Variants in RAPGEFL1 observed in about 807,000 individuals in gnomAD.
RAPGEFL1 encodes Rap guanine nucleotide exchange factor like 1, also known as rap guanine nucleotide exchange factor-like 1.
In RAPGEFL1, 31 loss-of-function variants were observed where a neutral mutation model predicts 64.4. That is an observed-to-expected ratio of 0.48 (90% CI 0.36 to 0.65). The LOEUF is 0.65. RAPGEFL1 is among the 30% of genes least tolerant of loss of function. The pLI is 0.00. For missense variants in RAPGEFL1, 682 were observed against 677.4 expected, an observed-to-expected ratio of 1.01 and a Z score of -0.08; for synonymous variants, 331 against 274.1, an observed-to-expected ratio of 1.21 and a Z score of -2.05.
Position 40,191,241 on chromosome 17 carries a change from C to T in RAPGEFL1, c.1336-75C>T. 5.0e-6 allele frequency: 7 copies of T among 1,389,574 alleles called. No individual in the cohort carries two copies. Among genetic ancestry groups the T allele is most frequent in the Non-Finnish European group, 6.6e-6 (7 of 1,052,720 alleles). 86.1% of individuals were successfully genotyped at this position (1,389,574 alleles called of 1,614,324 possible). A position where few individuals can be genotyped will look rare whatever the true frequency, so the allele number is the denominator to read the frequency against. ...CCTCCTGCCTTTCGCTCCTCATCGC[C>T]TTGCACTGCCATCTTCCCACCCACT... On this transcript the variant is annotated intron_variant, in intron 8 of 14. Coordinates refer to ENST00000620260, the MANE Select transcript of RAPGEFL1 (RefSeq NM_016339.6). This position sits in a 1 kb window ranked among gnomAD's most constrained non-coding sequence, Gnocchi z 5.1.
upstream of RAPGEFL1, chr17:40,177,140 GCA>G (rs1217554596): frequency 1.0e-5 from 7 of 702,474 alleles, no homozygotes; most frequent in Non-Finnish European, 1.8e-5. Context: ...TGAGAAAGGT[GCA>G]CACTCTTGGG....
At position 40,183,522 on chromosome 17, in the gene RAPGEFL1, T is replaced by C. The variant is rs940896290; in HGVS notation, c.600-692T>C. Among the ~76,000 whole-genome samples the C allele has an allele frequency of 3.0e-4, 41 of 135,168 alleles. No homozygotes were observed. In the South Asian group the frequency reaches 4.7e-3, roughly 15 times the overall value. The allele number at this position is 135,168 out of a possible 152,430, so 88.7% of individuals were successfully genotyped here. On this transcript the variant is annotated intron_variant, in intron 2 of 14. Coordinates refer to ENST00000620260, the MANE Select transcript of RAPGEFL1 (RefSeq NM_016339.6). The stretch of plus-strand genomic sequence containing the variant: ...ATCTTTCTTTTCTTTTCTTTTCTTT[T>C]TTTTTTTTTTTTTTGAGATGGAGTT...
chr17:40,183,524 T>C (rs1240080512), intron 2 of RAPGEFL1, among the ~76,000 whole-genome samples: 1 of 150,130 alleles, frequency 6.7e-6, no homozygotes, highest in South Asian at 2.1e-4. Context: ...TTTTCTTTTT[T>C]TTTTTTTTTT....
At chr17:40,177,016 C>T, upstream of RAPGEFL1, 2 of 701,006 alleles carry the variant, frequency 2.9e-6, no homozygotes, top group Non-Finnish European at 5.2e-6. Context: ...ACCTATTGTG[C>T]CCTACCAGAG....
intron 6 of RAPGEFL1, among the ~76,000 whole-genome samples, chr17:40,189,980 C>T (rs1990205816): frequency 6.6e-6 from 1 of 151,814 alleles, no homozygotes; most frequent in Non-Finnish European, 1.5e-5. Context: ...GTTTGGGAGG[C>T]ACTGGTCTAG....
In RAPGEFL1 at chr17:40,191,422, C is replaced by G. The variant is rs201063375; in HGVS notation, c.1442C>G (p.Thr481Ser). The G allele has an allele frequency of 1.2e-4, 189 of 1,605,712 alleles. No individual in the cohort carries two copies. The East Asian group carries it at 4.2e-3, about 36-fold the overall frequency. Reference protein sequence around the residue: ...RCSEVTHWVATEVLLCEAPGK... With the variant: ...RCSEVTHWVASEVLLCEAPGK... Reference sequence around the variant, plus strand: ...AGCGAGGTCACGCACTGGGTGGCCACCGAAGTGCTGCTCTGCGAGGCCCCG... The same window carrying G: ...AGCGAGGTCACGCACTGGGTGGCCAGCGAAGTGCTGCTCTGCGAGGCCCCG... The change falls in exon 9 of 15, where the codon ACC becomes AGC. Residue 481 changes from threonine (T) to serine (S), a missense_variant. Around this residue, in one of 2 missense-constraint regions of RAPGEFL1, gnomAD observed 411 missense variants for 519.4 expected, o/e 0.79. Transcript: ENST00000620260. The surrounding 1 kb of genome is among the most constrained non-coding windows in gnomAD (Gnocchi z 5.1).
upstream of RAPGEFL1, chr17:40,177,415 T>A: frequency 1.5e-6 from 1 of 688,256 alleles, no homozygotes; most frequent in Non-Finnish European, 2.7e-6. Flanking sequence ...CGAGGAAGGG[T>A]AGGGGCGGGG....
chr17:40,186,461 G>A (rs1207248543), intron 4 of RAPGEFL1, among the ~76,000 whole-genome samples: 2 of 150,662 alleles, frequency 1.3e-5, no homozygotes. Context: ...CCAGCTACTC[G>A]GGAGGCTGAG....
chr17:40,177,362 C>G (rs1989737809), upstream of RAPGEFL1: 7 of 701,866 alleles, frequency 1.0e-5, no homozygotes, highest in Non-Finnish European at 1.6e-5. Context: ...TCGCGGTCAA[C>G]CCCAGCGCGC....
In RAPGEFL1 at chr17:40,194,391, C is replaced by G. The variant is rs1567698741; in HGVS notation, c.*603C>G. 1 of 154,424 alleles carries G rather than the reference C, an allele frequency of 6.5e-6. No homozygotes were observed. Among genetic ancestry groups the G allele is most frequent in the Non-Finnish European group, 1.4e-5 (1 of 69,660 alleles). The allele number at this position is 154,424 out of a possible 1,614,324, so 9.6% of individuals were successfully genotyped here. Reference sequence around the variant, plus strand: ...TGGTGCTACCCTTGTCTACTCTGCCCCTGGATGGTGCGGGGTGCTTTCTCC... The same window carrying G: ...TGGTGCTACCCTTGTCTACTCTGCCGCTGGATGGTGCGGGGTGCTTTCTCC... On this transcript the variant is annotated 3_prime_UTR_variant, in exon 15 of 15. Coordinates refer to ENST00000620260, the MANE Select transcript of RAPGEFL1 (RefSeq NM_016339.6).
At chr17:40,192,181 G>C in intron 10 of RAPGEFL1, 32 bp from the exon 11 acceptor site, 1 of 1,605,452 alleles carries the variant, frequency 6.2e-7, no homozygotes, top group African/African-American at 1.3e-5. Context: ...GCTCCACTCT[G>C]ATATCCCTTC....
At position 40,177,543 on chromosome 17, in the gene RAPGEFL1, G is replaced by T; in HGVS notation, c.-319G>T. The T allele has an allele frequency of 3.8e-6, 2 of 524,890 alleles. No individual in the cohort carries two copies. Among genetic ancestry groups the T allele is most frequent in the Non-Finnish European group, 6.7e-6 (2 of 300,596 alleles). The allele number at this position is 524,890 out of a possible 1,614,324, so 32.5% of individuals were successfully genotyped here. A position where few individuals can be genotyped will look rare whatever the true frequency, so the allele number is the denominator to read the frequency against. The stretch of plus-strand genomic sequence containing the variant: ...CCGCGTCCTCTCAGCCTTGCGCTCC[G>T]CCCGCTGCCTCTGCCGCCGCAGCGC... On this transcript the variant is annotated 5_prime_UTR_variant, in exon 1 of 15. Transcript: ENST00000620260.
Position 40,193,891 on chromosome 17 carries a change from C to T in RAPGEFL1, c.*103C>T. On this transcript the variant is annotated 3_prime_UTR_variant, in exon 15 of 15. Transcript: ENST00000620260. ...ATCTGACATCTTTCCCGTGGAGCAACTTCCTGCTCCACGGGAAAGAGGTCG... is the reference window on the plus strand; with the variant it reads ...ATCTGACATCTTTCCCGTGGAGCAATTTCCTGCTCCACGGGAAAGAGGTCG... 2 of 1,457,272 alleles carry T rather than the reference C, an allele frequency of 1.4e-6. No homozygotes were observed. Among genetic ancestry groups the T allele is most frequent in the Middle Eastern group, 1.8e-4 (1 of 5,610 alleles). The allele number at this position is 1,457,272 out of a possible 1,614,324, so 90.3% of individuals were successfully genotyped here.
intron 1 of RAPGEFL1, among the ~76,000 whole-genome samples, chr17:40,179,731 G>T (rs574815412): frequency 5.8e-4 from 89 of 152,252 alleles, no homozygotes; most frequent in Non-Finnish European, 4.4e-5. Flanking sequence ...AGGTTTGGGA[G>T]CCCCGGCTGA....
intron 6 of RAPGEFL1, 70 bp from the exon 7 acceptor site, chr17:40,190,364 C>T: frequency 1.5e-6 from 2 of 1,342,330 alleles, no homozygotes; most frequent in East Asian, 2.3e-5. Context: ...TTGGATAGGA[C>T]AGTGTCAGTG....
rs776571817 is a variant in RAPGEFL1, at chr17:40,193,374, C to G, written c.1821C>G (p.Ala607=). The change falls in exon 14 of 15, where the codon GCC becomes GCG. Residue 607 remains alanine, a synonymous_variant. Coordinates refer to ENST00000620260, the MANE Select transcript of RAPGEFL1 (RefSeq NM_016339.6). ...LVNIEKLHSV[A]EKVRTIRKYR... is the part of the protein sequence containing the mutation. ...TTGTCATCTCCCAGCATTCAGTGGC[C>G]GAAAAAGTGAGGACAATCCGCAAAT... is the stretch of plus-strand genomic sequence containing the variant. The G allele has an allele frequency of 6.2e-7, 1 of 1,614,038 alleles. No individual in the cohort carries two copies. Among genetic ancestry groups the G allele is most frequent in the South Asian group, 1.1e-5 (1 of 91,076 alleles).
intron 2 of RAPGEFL1, 87 bp from the exon 3 acceptor site, chr17:40,184,127 A>C (rs1989985043): frequency 1.0e-6 from 1 of 992,428 alleles, no homozygotes; most frequent in Non-Finnish European, 1.6e-6. Context: ...TATAGGCGTG[A>C]GCCACTGCGC....
chr17:40,177,371 G>T, upstream of RAPGEFL1: 1 of 701,354 alleles, frequency 1.4e-6, no homozygotes, highest in South Asian at 1.5e-5. Flanking sequence ...ACCCCAGCGC[G>T]CGAGTTCAAG....
chr17:40,188,041 A>G (rs981819791), intron 4 of RAPGEFL1, among the ~76,000 whole-genome samples: 20 of 149,856 alleles, frequency 1.3e-4, no homozygotes, highest in Non-Finnish European at 2.4e-4. Flanking sequence ...CAGCCTCCCA[A>G]GTAGCTGGGA....
Sources: gnomAD v4.1 joint callset for allele counts (sites outside exome capture counted in the v4.1 genomes callset) on GRCh38, gnomAD v4.1.1 for gene constraint, gnomAD v4.1.1 regional missense constraint, Gnocchi (gnomAD v3.1) non-coding constraint, MANE v1.5 for transcripts, NCBI Gene and HGNC (gene_info 2026-07-23, HGNC 2026-07-21) for gene names.